The following FRMD3 variants were observed in gnomAD, a reference collection of about 807,000 sequenced individuals.
The protein encoded by FRMD3 is FERM domain-containing protein 3.
A neutral mutation model predicts 70.2 loss-of-function variants in FRMD3; 33 were observed. The ratio of observed to expected loss-of-function variants is 0.47; its 90% CI spans 0.36 to 0.63. The LOEUF is 0.63. Among genes scored for constraint, FRMD3 ranks in the 20% least tolerant of loss-of-function variants. The probability of loss-of-function intolerance (pLI) is 0.00; values close to 1 mark genes in which losing one functional copy is unlikely to be tolerated. For synonymous variants in FRMD3, 279 were observed against 255.9 expected (o/e 1.09, Z -0.86); for missense variants, 632 against 711.4 (o/e 0.89, Z 1.27).
At chr9:83,569,580 G>C in the FRMD3 span, among the ~76,000 whole-genome samples, 1 of 152,180 alleles carries the variant, frequency 6.6e-6, no homozygotes, top group Non-Finnish European at 1.5e-5. Flanking sequence ...TTTGATTGCT[G>C]CTGTTTCCAT....
At chr9:83,251,235 A>G (rs1832409291) in intron 13 of FRMD3, among the ~76,000 whole-genome samples, 1 of 152,234 alleles carries the variant, frequency 6.6e-6, no homozygotes, top group Non-Finnish European at 1.5e-5. Context: ...AGGCAACTGG[A>G]GTCTGAAGCA....
chr9:83,584,866 G>A, the FRMD3 span, among the ~76,000 whole-genome samples: 1 of 152,296 alleles, frequency 6.6e-6, no homozygotes, highest in East Asian at 1.9e-4. Flanking sequence ...GAGGTGTCAC[G>A]CAGTGTTAGC....
Position 83,320,242 on chromosome 9 carries a change from G to C in FRMD3, c.597-6495C>G, listed in dbSNP as rs994528252. 2.0e-5 allele frequency among the ~76,000 whole-genome samples: 3 copies of C among 152,248 alleles called. No individual in the cohort carries two copies. In the East Asian group the frequency reaches 5.8e-4, roughly 29 times the overall value. The stretch of plus-strand genomic sequence containing the variant: ...TCTTTGTCTTGTTCCCGTTCTCAGA[G>C]GGAATGCTTTGAACTTTATCCTGTT... On this transcript the variant is annotated intron_variant, in intron 6 of 13. Coordinates refer to ENST00000304195, the MANE Select transcript of FRMD3 (RefSeq NM_174938.6).
rs540906634 is a variant in FRMD3, at chr9:83,288,369, A to T, written c.1195+2234T>A. On this transcript the variant is annotated intron_variant, in intron 13 of 13. Transcript: ENST00000304195. ...TGGATATCATACGGTACCTAAGATA[A>T]TTTTGCTCTTACTCTAAATTGAGAG... is the stretch of plus-strand genomic sequence containing the variant. 5.9e-5 allele frequency among the ~76,000 whole-genome samples: 9 copies of T among 152,292 alleles called. No homozygotes were observed. The South Asian group carries it at 1.2e-3, about 21-fold the overall frequency.
chr9:83,563,065 C>G, the FRMD3 span, among the ~76,000 whole-genome samples: 3 of 151,786 alleles, frequency 2.0e-5, no homozygotes, highest in South Asian at 6.2e-4. Flanking sequence ...CAGTATTATG[C>G]CCAAAATTAC....
intron 13 of FRMD3, among the ~76,000 whole-genome samples, chr9:83,265,393 C>CT (rs1587645983): frequency 3.6e-5 from 3 of 84,070 alleles, no homozygotes; most frequent in East Asian, 3.8e-4. Context: ...GAGCGAGACT[C>CT]TTAAAAAAAA....
intron 1 of FRMD3, among the ~76,000 whole-genome samples, chr9:83,419,056 G>A (rs1170877698): frequency 6.6e-6 from 1 of 152,122 alleles, no homozygotes; most frequent in Non-Finnish European, 1.5e-5. Context: ...AAAACCGTAT[G>A]TTCTCACTTG....
intron 1 of FRMD3, among the ~76,000 whole-genome samples, chr9:83,496,373 A>T (rs1286767856): frequency 6.6e-6 from 1 of 152,212 alleles, no homozygotes; most frequent in African/African-American, 2.4e-5. Flanking sequence ...CTGGTGTTTC[A>T]TCATTAACCT....
intron 12 of FRMD3, 59 bp downstream of exon 12, chr9:83,298,689 G>A: frequency 7.8e-7 from 1 of 1,278,210 alleles, no homozygotes; most frequent in Non-Finnish European, 1.1e-6. Context: ...GATGTTATAG[G>A]GGATTTGGAA....
At chr9:83,425,948 G>A (rs1482552401) in intron 1 of FRMD3, among the ~76,000 whole-genome samples, 8 of 149,800 alleles carry the variant, frequency 5.3e-5, no homozygotes, top group South Asian at 2.1e-4. Context: ...TGGCCCTTGC[G>A]TGGAGAACAG....
In FRMD3 at chr9:83,522,399, G is replaced by C. The variant is rs546398554; in HGVS notation, c.147+15686C>G. On this transcript the variant is annotated intron_variant, in intron 1 of 13. Coordinates refer to ENST00000304195, the MANE Select transcript of FRMD3 (RefSeq NM_174938.6). ...TAGAGAAGCCTTCAGCGGCTGGGGG[G>C]GCAGGGAGCTGTGCCTGTCCCAGAG... Among the ~76,000 whole-genome samples the C allele has an allele frequency of 1.6e-3, 247 of 152,122 alleles. 2 individuals carry two copies. The highest frequency in any genetic ancestry group is 5.6e-3 in the African/African-American group (234 of 41,506).
intron 1 of FRMD3, among the ~76,000 whole-genome samples, chr9:83,398,215 C>T (rs1324161326): frequency 2.0e-5 from 3 of 152,062 alleles, no homozygotes; most frequent in African/African-American, 4.8e-5. Context: ...ATAAGAAAAC[C>T]TTTATTAAAC....
intron 13 of FRMD3, among the ~76,000 whole-genome samples, chr9:83,272,960 G>T (rs1278180518): frequency 6.6e-6 from 1 of 151,788 alleles, no homozygotes; most frequent in Non-Finnish European, 1.5e-5. Context: ...CCCCGTCTGG[G>T]AAGTGAGGAG....
At chr9:83,290,163 A>C (rs373003424) in intron 13 of FRMD3, among the ~76,000 whole-genome samples, 17 of 152,352 alleles carry the variant, frequency 1.1e-4, no homozygotes, top group African/African-American at 3.8e-4. Context: ...TAGAAGTTTC[A>C]GTGATAGAGG....
intron 6 of FRMD3, among the ~76,000 whole-genome samples, chr9:83,333,277 C>T (rs1284297377): frequency 6.6e-6 from 1 of 152,208 alleles, no homozygotes; most frequent in Non-Finnish European, 1.5e-5. Flanking sequence ...CATACAACTC[C>T]CAACTCTTCA....
At chr9:83,476,777 T>C (rs1421182770) in intron 1 of FRMD3, among the ~76,000 whole-genome samples, 1 of 152,212 alleles carries the variant, frequency 6.6e-6, no homozygotes, top group Non-Finnish European at 1.5e-5. Flanking sequence ...CTTTATCCCT[T>C]GAGTCGTAAT....
chr9:83,383,920 T>C (rs989290749), intron 2 of FRMD3, among the ~76,000 whole-genome samples: 1 of 152,244 alleles, frequency 6.6e-6, no homozygotes, highest in Non-Finnish European at 1.5e-5. Flanking sequence ...GAGTCAATTA[T>C]GAGCCATCCT....
At chr9:83,276,655 G>C (rs974278318) in intron 13 of FRMD3, 1 of 152,174 alleles carries the variant, frequency 6.6e-6, no homozygotes, top group Non-Finnish European at 1.5e-5. Flanking sequence ...GCAAATGGTC[G>C]CTACATGCAA....
Position 83,244,999 on chromosome 9 carries a change from A to G in FRMD3, c.*2919T>C, listed in dbSNP as rs1290120572. On this transcript the variant is annotated 3_prime_UTR_variant, in exon 14 of 14. Transcript: ENST00000304195. ...GTGTGTGTATTATATATATTTATTT[A>G]TATCCACAAATGTACACTCAGTGGC... The G allele has an allele frequency of 2.0e-6, 2 of 983,568 alleles. No individual in the cohort carries two copies. Among genetic ancestry groups the G allele is most frequent in the Non-Finnish European group, 2.4e-6 (2 of 828,356 alleles). The allele number at this position is 983,568 out of a possible 1,614,324, so 60.9% of individuals were successfully genotyped here.
Sources: gnomAD v4.1 joint callset for allele counts (sites outside exome capture counted in the v4.1 genomes callset) on GRCh38, gnomAD v4.1.1 for gene constraint, MANE v1.5 for transcripts, NCBI Gene and HGNC (gene_info 2026-07-23, HGNC 2026-07-21) for gene names.